FGF14: variants seen among roughly 807,000 people sequenced by gnomAD.
The protein encoded by FGF14 is fibroblast growth factor 14, also known as fibroblast growth factor homologous factor 4.
FGF14 carries 5 observed loss-of-function variants against 25.5 expected under a neutral mutation model. That is an observed-to-expected ratio of 0.20 (90% CI 0.10 to 0.41). The LOEUF (loss-of-function observed/expected upper bound fraction) is 0.41, where lower values mean the gene tolerates loss of function less well. FGF14 is among the 10% of genes least tolerant of loss of function. FGF14 has a pLI of 1.00. For missense variants in FGF14, 222 were observed against 320.1 expected (o/e 0.69, Z 2.34); for synonymous variants, 138 against 118.3 (o/e 1.17, Z -1.08).
intron 1 of FGF14, among the ~76,000 whole-genome samples, chr13:102,291,847 G>A (rs909746241): frequency 1.3e-5 from 2 of 152,140 alleles, no homozygotes; most frequent in South Asian, 2.1e-4. Context: ...CAAAAGGGAG[G>A]TGGTATCACT....
At chr13:102,043,013 G>A (rs775712813) in intron 1 of FGF14, among the ~76,000 whole-genome samples, 2 of 152,188 alleles carry the variant, frequency 1.3e-5, no homozygotes, top group South Asian at 2.1e-4. Context: ...CCAGACGGAC[G>A]AATGGATAAA....
chr13:102,171,953 A>T (rs943717997), intron 1 of FGF14, among the ~76,000 whole-genome samples: 1 of 149,890 alleles, frequency 6.7e-6, no homozygotes, highest in African/African-American at 2.5e-5. Context: ...TTTTGCAAAA[A>T]AAGATATGCA....
chr13:101,849,475 A>G (rs537907180), intron 3 of FGF14, among the ~76,000 whole-genome samples: 325 of 152,188 alleles, frequency 2.1e-3, no homozygotes, highest in Non-Finnish European at 2.4e-3. Context: ...GCTTCTCCAC[A>G]CTTTCCTTCT....
chr13:101,770,273 AC>A (rs2038689140), intron 3 of FGF14, among the ~76,000 whole-genome samples: 2 of 152,252 alleles, frequency 1.3e-5, no homozygotes, highest in South Asian at 4.1e-4. Context: ...GTGTGCTGTT[AC>A]ATTAATGCTG....
chr13:102,210,803 T>C (rs558387399), intron 1 of FGF14, among the ~76,000 whole-genome samples: 43 of 152,106 alleles, frequency 2.8e-4, no homozygotes, highest in African/African-American at 1.0e-3. Flanking sequence ...TATTGGAAAA[T>C]GAGGGGGTTT....
At chr13:102,123,536 A>T (rs966007095) in intron 1 of FGF14, among the ~76,000 whole-genome samples, 28 of 150,118 alleles carry the variant, frequency 1.9e-4, no homozygotes, top group Middle Eastern at 3.4e-3. Context: ...AAATAGTACT[A>T]AACAAATTTT....
At chr13:101,806,004 C>T in intron 3 of FGF14, among the ~76,000 whole-genome samples, 1 of 151,614 alleles carries the variant, frequency 6.6e-6, no homozygotes, top group Non-Finnish European at 1.5e-5. Context: ...ATATATTTAT[C>T]AGTTTCATTA....
intron 1 of FGF14, among the ~76,000 whole-genome samples, chr13:102,170,357 C>T (rs1280059601): frequency 6.6e-6 from 1 of 151,958 alleles, no homozygotes; most frequent in Non-Finnish European, 1.5e-5. Context: ...CTCCTTTTTC[C>T]TCTTCTTGCA....
intron 1 of FGF14, among the ~76,000 whole-genome samples, chr13:102,330,025 C>T (rs1200099305): frequency 2.0e-5 from 3 of 152,160 alleles, no homozygotes; most frequent in African/African-American, 7.2e-5. Context: ...GCCAGTTATT[C>T]TCACTCTGAT....
At position 102,048,345 on chromosome 13, in the gene FGF14, G is replaced by A. The variant is rs2042081107; in HGVS notation, c.209-173049C>T. On this transcript the variant is annotated intron_variant, in intron 1 of 4. Transcript: ENST00000376131. ...GCATGGTTGCTGTGAAAATTGTATG[G>A]GATAATGGACACATGAAGAGTTTGC... Among the ~76,000 whole-genome samples the A allele has an allele frequency of 2.0e-5, 3 of 152,226 alleles. 1 individual carries two copies. In the South Asian group the frequency reaches 6.2e-4, roughly 32 times the overall value.
Position 102,174,259 on chromosome 13 carries a change from C to A in FGF14, c.208+227212G>T, listed in dbSNP as rs566975355. Among the ~76,000 whole-genome samples the A allele has an allele frequency of 2.0e-5, 3 of 151,764 alleles. No individual in the cohort carries two copies. The East Asian group carries it at 5.8e-4, about 29-fold the overall frequency. On this transcript the variant is annotated intron_variant, in intron 1 of 4. Coordinates refer to the FGF14 transcript ENST00000376131. The stretch of plus-strand genomic sequence containing the variant: ...AAGCAATTCTCCTACCTCAGTCTCC[C>A]GAGTAGCTGGGATTACAGGAGCATG...
At chr13:102,375,968 C>T (rs1028164282) in intron 1 of FGF14, among the ~76,000 whole-genome samples, 3 of 152,132 alleles carry the variant, frequency 2.0e-5, no homozygotes, top group African/African-American at 7.2e-5. Flanking sequence ...ATCTAGAGTA[C>T]ATCTCCACAT....
At chr13:101,796,410 G>A (rs1484770726) in intron 3 of FGF14, among the ~76,000 whole-genome samples, 3 of 151,916 alleles carry the variant, frequency 2.0e-5, no homozygotes, top group African/African-American at 7.3e-5. Flanking sequence ...TTGAGCCTGA[G>A]CATGCACTGG....
chr13:102,243,740 A>G (rs1566856021), intron 1 of FGF14, among the ~76,000 whole-genome samples: 1 of 151,756 alleles, frequency 6.6e-6, no homozygotes, highest in South Asian at 2.1e-4. Flanking sequence ...TGATGTTAAA[A>G]TAAGTGTTTA....
chr13:102,316,999 A>G (rs2056056108), intron 1 of FGF14, among the ~76,000 whole-genome samples: 1 of 151,926 alleles, frequency 6.6e-6, no homozygotes, highest in Non-Finnish European at 1.5e-5. Context: ...TTTTTAGGCC[A>G]TTTTCCATCT....
At chr13:102,016,823 C>G (rs945402421) in intron 1 of FGF14, 1 of 152,292 alleles carries the variant, frequency 6.6e-6, no homozygotes, top group African/African-American at 2.4e-5. Context: ...GCCATCTTTC[C>G]CCCTGTGCTT....
chr13:101,815,412 C>T (rs977889710), intron 3 of FGF14, among the ~76,000 whole-genome samples: 5 of 152,162 alleles, frequency 3.3e-5, no homozygotes, highest in Non-Finnish European at 7.3e-5. Context: ...GGGCTAATCA[C>T]AGAGACCCTC....
At chr13:101,816,632 T>C (rs1168918414) in intron 3 of FGF14, among the ~76,000 whole-genome samples, 1 of 152,156 alleles carries the variant, frequency 6.6e-6, no homozygotes, top group African/African-American at 2.4e-5. Context: ...ATCATGACTT[T>C]TGCATATTTT....
chr13:101,931,653 G>A (rs555986504), intron 1 of FGF14, among the ~76,000 whole-genome samples: 2 of 152,210 alleles, frequency 1.3e-5, no homozygotes, highest in Non-Finnish European at 2.9e-5. Context: ...ATGAACAGCT[G>A]TTAAGAGTAA....
Sources: gnomAD v4.1 joint callset for allele counts (sites outside exome capture counted in the v4.1 genomes callset) on GRCh38, gnomAD v4.1.1 for gene constraint, MANE v1.5 for transcripts, NCBI Gene and HGNC (gene_info 2026-07-23, HGNC 2026-07-21) for gene names.